HCFC2: variants seen among roughly 807,000 people sequenced by gnomAD.
HCFC2 encodes the protein host cell factor C2, also known as host cell factor 2.
HCFC2 carries 18 observed loss-of-function variants against 89.2 expected under a neutral mutation model. The observed-to-expected ratio is 0.20, with a 90% confidence interval of 0.14 to 0.30. The LOEUF is 0.30. Among genes scored for constraint, HCFC2 ranks in the 10% least tolerant of loss-of-function variants. The pLI, the probability that HCFC2 is intolerant of heterozygous loss-of-function variation, is 1.00. For synonymous variants in HCFC2, 308 were observed against 335.7 expected (o/e 0.92, Z 0.90); for missense variants, 578 against 956.1 (o/e 0.60, Z 5.21).
At chr12:104,078,061 C>T (rs923472985) in intron 3 of HCFC2, among the ~76,000 whole-genome samples, 7 of 152,218 alleles carry the variant, frequency 4.6e-5, no homozygotes, top group Middle Eastern at 3.4e-3. Context: ...TGCAGTGGCA[C>T]GATCTTGGCT....
intron 9 of HCFC2, 133 bp downstream of exon 9, chr12:104,088,171 G>T: frequency 2.3e-6 from 1 of 431,284 alleles, no homozygotes; most frequent in Non-Finnish European, 4.2e-6. Flanking sequence ...TATCTCTGAG[G>T]TAAACAAACA....
At position 104,097,770 on chromosome 12, in the gene HCFC2, G is replaced by C. The variant is rs544207727; in HGVS notation, c.1741-573G>C. On this transcript the variant is annotated intron_variant, in intron 12 of 14. Coordinates refer to ENST00000229330, the MANE Select transcript of HCFC2 (RefSeq NM_013320.3). ...GAGGAAGTTTATTTGTTTTAAAACAGGATAAAAAATGTAAAACTGTTTAAT... is the reference window on the plus strand; with the variant it reads ...GAGGAAGTTTATTTGTTTTAAAACACGATAAAAAATGTAAAACTGTTTAAT... The C allele has an allele frequency of 6.5e-5, 22 of 338,894 alleles. No homozygotes were observed. The East Asian group carries it at 3.0e-3, about 47-fold the overall frequency. The allele number at this position is 338,894 out of a possible 1,614,324, so 21.0% of individuals were successfully genotyped here.
intron 5 of HCFC2, 57 bp from the exon 6 acceptor site, chr12:104,082,443 A>C (rs765666819): frequency 3.0e-5 from 34 of 1,146,084 alleles, no homozygotes; most frequent in Non-Finnish European, 4.3e-5. Flanking sequence ...TAGCACTTCA[A>C]ATCCAAGAAG....
chr12:104,079,190 GT>G (rs1339198963), intron 3 of HCFC2, among the ~76,000 whole-genome samples: 1 of 152,152 alleles, frequency 6.6e-6, no homozygotes, highest in Admixed American at 6.6e-5. Context: ...TGATAAGAGT[GT>G]TGGCTAAATG....
At chr12:104,096,470 A>G (rs1884181925) in intron 12 of HCFC2, 37 bp downstream of exon 12, 7 of 1,408,904 alleles carry the variant, frequency 5.0e-6, no homozygotes, top group Non-Finnish European at 6.0e-6. Context: ...ATGTTTACAC[A>G]TGATTATGTA....
Position 104,096,340 on chromosome 12 carries a change from A to T in HCFC2, c.1667-20A>T, listed in dbSNP as rs182420393. On this transcript the variant is annotated intron_variant, in intron 11 of 14. Transcript: ENST00000229330. ...TGATAAGTTATGTAAATCTTATCTG[A>T]TAAATTGTTTAATTTTTAGTTGATG... The T allele has an allele frequency of 1.3e-6, 2 of 1,546,912 alleles. No homozygotes were observed. Among genetic ancestry groups the T allele is most frequent in the Non-Finnish European group, 1.8e-6 (2 of 1,128,938 alleles).
At position 104,064,884 on chromosome 12, in the gene HCFC2, G is replaced by T; in HGVS notation, c.163+161G>T. ...TCAGCCGGGCAGCCCGGGTCCGGCA[G>T]CTCTGTCCCGGACCGCAGCTCAGGA... On this transcript the variant is annotated intron_variant, in intron 1 of 14. Coordinates refer to ENST00000229330, the MANE Select transcript of HCFC2 (RefSeq NM_013320.3). The surrounding 1 kb of genome is among the most constrained non-coding windows in gnomAD (Gnocchi z 7.3). The T allele has an allele frequency of 1.8e-6, 1 of 565,244 alleles. No individual in the cohort carries two copies. Among genetic ancestry groups the T allele is most frequent in the African/African-American group, 2.0e-5 (1 of 50,074 alleles). 35.0% of individuals were successfully genotyped at this position (565,244 alleles called of 1,614,324 possible). A position where few individuals can be genotyped will look rare whatever the true frequency, so the allele number is the denominator to read the frequency against.
At chr12:104,082,995 G>A in intron 7 of HCFC2, 94 bp downstream of exon 7, 1 of 827,584 alleles carries the variant, frequency 1.2e-6, no homozygotes, top group Non-Finnish European at 1.9e-6. Context: ...ACTACCTCTT[G>A]TTTCCCATAA....
At position 104,101,843 on chromosome 12, in the gene HCFC2, A is replaced by G. The variant is rs1340282638; in HGVS notation, c.1879-125A>G. 3 of 559,422 alleles carry G rather than the reference A, an allele frequency of 5.4e-6. No individual in the cohort carries two copies. The East Asian group carries it at 9.3e-5, about 17-fold the overall frequency. 34.7% of individuals were successfully genotyped at this position (559,422 alleles called of 1,614,324 possible). On this transcript the variant is annotated intron_variant, in intron 13 of 14. Transcript: ENST00000229330. ...GTGAGAGAGAGGGAGATAAATGTGAACCAGAACCTTAAAACATAATTTATT... is the reference window on the plus strand; with the variant it reads ...GTGAGAGAGAGGGAGATAAATGTGAGCCAGAACCTTAAAACATAATTTATT...
Position 104,095,370 on chromosome 12 carries a change from T to G in HCFC2, c.1473T>G (p.Thr491=). Residue 491 remains threonine (T), a synonymous_variant, in exon 11 of 15, where the codon ACT becomes ACG. Coordinates refer to ENST00000229330, the MANE Select transcript of HCFC2 (RefSeq NM_013320.3). This position sits in a 1 kb window ranked among gnomAD's most constrained non-coding sequence, Gnocchi z 4.2. ...TCCCTTTTATTTTAGGTCCTCACAC[T>G]TCAGCAAATGTAGGTGTTCTAAGTA... is the stretch of plus-strand genomic sequence containing the variant. ...DMLRKNEGPH[T]SANVGVLSSC... is the part of the protein sequence containing the mutation. 1 of 1,612,612 alleles carries G rather than the reference T, an allele frequency of 6.2e-7. No individual in the cohort carries two copies. Among genetic ancestry groups the G allele is most frequent in the African/African-American group, 1.3e-5 (1 of 75,016 alleles).
chr12:104,066,151 T>G lies in HCFC2; in HGVS notation c.164-16T>G, dbSNP rs1883133925. On this transcript the variant is annotated splice_polypyrimidine_tract_variant and intron_variant, in intron 1 of 14. Coordinates refer to ENST00000229330, the MANE Select transcript of HCFC2 (RefSeq NM_013320.3). ...TTGTTTGTTATAATCGGTTTTCATT[T>G]TATTTTGGCAACTAGCTACGAATCA... 24 of 1,610,778 alleles carry G rather than the reference T, an allele frequency of 1.5e-5. No homozygotes were observed. Among genetic ancestry groups the G allele is most frequent in the Non-Finnish European group, 2.0e-5 (23 of 1,178,960 alleles).
chr12:104,065,100 T>G, intron 1 of HCFC2: 2 of 169,154 alleles, frequency 1.2e-5, no homozygotes, highest in Non-Finnish European at 1.3e-5. Context: ...CAAAGTTCCT[T>G]AGGGCCTTTC....
At chr12:104,071,429 T>A (rs1389672406) in intron 3 of HCFC2, among the ~76,000 whole-genome samples, 1 of 152,250 alleles carries the variant, frequency 6.6e-6, no homozygotes, top group East Asian at 1.9e-4. Context: ...AGCCTATGTT[T>A]AAAGCACACA....
In HCFC2 at chr12:104,105,134, G is replaced by T. The variant is rs1450249308; in HGVS notation, c.*1861G>T. 1 of 151,934 alleles carries T rather than the reference G, an allele frequency of 6.6e-6. No homozygotes were observed. The highest frequency in any genetic ancestry group is 1.5e-5 in the Non-Finnish European group (1 of 67,864). The allele number at this position is 151,934 out of a possible 1,614,324, so 9.4% of individuals were successfully genotyped here. On this transcript the variant is annotated 3_prime_UTR_variant, in exon 15 of 15. Coordinates refer to ENST00000229330, the MANE Select transcript of HCFC2 (RefSeq NM_013320.3). ...TACTTAACCAAAGTTAAAATACATGGTAAGCAATTTTGCACATATTAAATA... is the reference window on the plus strand; with the variant it reads ...TACTTAACCAAAGTTAAAATACATGTTAAGCAATTTTGCACATATTAAATA...
At position 104,103,004 on chromosome 12, in the gene HCFC2, T is replaced by A. The variant is rs1351494153; in HGVS notation, c.2110T>A (p.Ser704Thr). 1 of 1,612,708 alleles carries A rather than the reference T, an allele frequency of 6.2e-7. No homozygotes were observed. The highest frequency in any genetic ancestry group is 8.5e-7 in the Non-Finnish European group (1 of 1,179,030). Reference sequence around the variant, plus strand: ...TTCCTGGGAACCTCCAACCTCACCTTCTGGAAATATTTTGGAATATTCAGC... The same window carrying A: ...TTCCTGGGAACCTCCAACCTCACCTACTGGAAATATTTTGGAATATTCAGC... ...HLSWEPPTSPSGNILEYSAYL... is the reference protein window; with the variant it reads ...HLSWEPPTSPTGNILEYSAYL... Residue 704 changes from serine (S) to threonine (T), a missense_variant, in exon 15 of 15, where the codon TCT becomes ACT. Around this residue, in one of 4 missense-constraint regions of HCFC2, gnomAD observed 140 missense variants for 266.4 expected, o/e 0.53. Transcript: ENST00000229330.
Position 104,064,630 on chromosome 12 carries a change from C to A in HCFC2, c.70C>A (p.His24Asn). The change falls in exon 1 of 15, where the codon CAC becomes AAC. Residue 24 changes from histidine to asparagine, a missense_variant. Physicochemically the swap from His to Asn is moderately conservative, Grantham distance 68 (BLOSUM62 1). Around this residue, in one of 4 missense-constraint regions of HCFC2, gnomAD observed 206 missense variants for 419.2 expected, o/e 0.49. Transcript: ENST00000229330. This position sits in a 1 kb window ranked among gnomAD's most constrained non-coding sequence, Gnocchi z 7.3. ...SFTGPVPRAR[H>N]GHRAVAIREL... ...CACGGGGCCGGTCCCCCGCGCCCGGCACGGACACCGAGCGGTGGCCATCCG... is the reference window on the plus strand; with the variant it reads ...CACGGGGCCGGTCCCCCGCGCCCGGAACGGACACCGAGCGGTGGCCATCCG... 6.3e-7 allele frequency: 1 copy of A among 1,580,344 alleles called. No individual in the cohort carries two copies. The highest frequency in any genetic ancestry group is 8.6e-7 in the Non-Finnish European group (1 of 1,165,418).
chr12:104,093,315 G>A, intron 9 of HCFC2, 71 bp from the exon 10 acceptor site: 1 of 984,388 alleles, frequency 1.0e-6, no homozygotes, highest in East Asian at 2.7e-5. Context: ...AACTTATTTT[G>A]CTTGTTTTTT....
chr12:104,081,534 C>T (rs2136608990), intron 5 of HCFC2, among the ~76,000 whole-genome samples: 1 of 150,826 alleles, frequency 6.6e-6, no homozygotes, highest in South Asian at 2.1e-4. Context: ...GAAATATTTA[C>T]TATTGCAGTA....
chr12:104,101,582 T>A (rs935706435), intron 13 of HCFC2, among the ~76,000 whole-genome samples: 1 of 152,238 alleles, frequency 6.6e-6, no homozygotes, highest in East Asian at 1.9e-4. Flanking sequence ...GGGCAGACTA[T>A]TATTTGACGG....
Sources: gnomAD v4.1 joint callset for allele counts (sites outside exome capture counted in the v4.1 genomes callset) on GRCh38, gnomAD v4.1.1 for gene constraint, gnomAD v4.1.1 regional missense constraint, Gnocchi (gnomAD v3.1) non-coding constraint, MANE v1.5 for transcripts, NCBI Gene and HGNC (gene_info 2026-07-23, HGNC 2026-07-21) for gene names.